The following IL1RL2 variants were observed in gnomAD, a reference collection of about 807,000 sequenced individuals.
IL1RL2 encodes interleukin-1 receptor-like 2.
In IL1RL2, 68 loss-of-function variants were observed where a neutral mutation model predicts 66.8. The ratio of observed to expected loss-of-function variants is 1.02; its 90% CI spans 0.84 to 1.25. The LOEUF is 1.25. Ranked by LOEUF, IL1RL2 falls within the 50% of genes most tolerant of loss-of-function variation. The probability of loss-of-function intolerance (pLI) is 0.00; values close to 1 mark genes in which losing one functional copy is unlikely to be tolerated. For synonymous variants in IL1RL2, 305 were observed against 264.6 expected (o/e 1.15, Z -1.48); for missense variants, 729 against 709.3 (o/e 1.03, Z -0.32).
At chr2:102,223,165 T>C (rs1363582939) in intron 8 of IL1RL2, among the ~76,000 whole-genome samples, 2 of 152,120 alleles carry the variant, frequency 1.3e-5, no homozygotes, top group Non-Finnish European at 2.9e-5. Flanking sequence ...AAATGTAGAG[T>C]ATTTTGGTTC....
chr2:102,208,155 T>A (rs1314230365), intron 5 of IL1RL2, among the ~76,000 whole-genome samples: 1 of 152,226 alleles, frequency 6.6e-6, no homozygotes, highest in Non-Finnish European at 1.5e-5. Context: ...TTCTATCTCA[T>A]TGGTGTCCTT....
chr2:102,191,210 C>T (rs1411066774), intron 3 of IL1RL2, among the ~76,000 whole-genome samples: 1 of 152,110 alleles, frequency 6.6e-6, no homozygotes, highest in Admixed American at 6.5e-5. Flanking sequence ...TCATCATACC[C>T]TCTTAGCCCT....
At chr2:102,205,216 A>G (rs979655592) in intron 5 of IL1RL2, among the ~76,000 whole-genome samples, 1 of 152,090 alleles carries the variant, frequency 6.6e-6, no homozygotes, top group Non-Finnish European at 1.5e-5. Context: ...TACTCACTAC[A>G]CCTTGAAAAG....
intron 9 of IL1RL2, among the ~76,000 whole-genome samples, chr2:102,227,616 T>C (rs1690742134): frequency 6.6e-6 from 1 of 152,092 alleles, no homozygotes. Flanking sequence ...GGCCGCCCCG[T>C]CTAAGCACAC....
chr2:102,226,016 C>T lies in IL1RL2; in HGVS notation c.1110C>T (p.Ala370=), dbSNP rs1214922734. The change falls in exon 9 of 12, where the codon GCC becomes GCT. Residue 370 remains alanine (A), a synonymous_variant. Coordinates refer to ENST00000264257, the MANE Select transcript of IL1RL2 (RefSeq NM_003854.4). ...ACATTGTTCTTTGGTATCGAAGTGC[C>T]TTCCATTCTACAGAGACCATAGTAG... ...KIDIVLWYRS[A]FHSTETIVDG... 1.2e-6 allele frequency: 2 copies of T among 1,601,596 alleles called. No homozygotes were observed.
chr2:102,204,054 T>C (rs1688493878), intron 5 of IL1RL2, among the ~76,000 whole-genome samples: 1 of 152,184 alleles, frequency 6.6e-6, no homozygotes, highest in Admixed American at 6.5e-5. Flanking sequence ...CTGCTTTTGC[T>C]GTATCCCATA....
chr2:102,225,257 AGGCTAG>A (rs1690499524), intron 8 of IL1RL2, among the ~76,000 whole-genome samples: 1 of 152,340 alleles, frequency 6.6e-6, no homozygotes, highest in East Asian at 1.9e-4. Flanking sequence ...CTCATGAAAC[AGGCTAG>A]GGTGTAAACA....
intron 3 of IL1RL2, 131 bp downstream of exon 3, chr2:102,189,441 C>T: frequency 1.6e-6 from 1 of 630,892 alleles, no homozygotes; most frequent in South Asian, 2.2e-5. Flanking sequence ...TGCTACAAGA[C>T]AATTTCCAGT....
downstream of IL1RL2, among the ~76,000 whole-genome samples, chr2:102,240,951 G>T (rs867838345): frequency 6.6e-6 from 1 of 152,262 alleles, no homozygotes; most frequent in South Asian, 2.1e-4. Flanking sequence ...ACAAGGTCAC[G>T]CCTGAGCTCG....
chr2:102,236,666 C>T (rs970638455), intron 11 of IL1RL2, among the ~76,000 whole-genome samples: 8 of 152,160 alleles, frequency 5.3e-5, no homozygotes, highest in African/African-American at 1.9e-4. Context: ...CCATCACCAC[C>T]ATCCATTCCA....
intron 8 of IL1RL2, among the ~76,000 whole-genome samples, chr2:102,224,209 A>G (rs1413743626): frequency 2.0e-5 from 3 of 152,222 alleles, no homozygotes; most frequent in African/African-American, 7.2e-5. Flanking sequence ...CAGCAATCCT[A>G]CTGCTGGTTA....
intron 6 of IL1RL2, among the ~76,000 whole-genome samples, chr2:102,218,123 A>G (rs1689769261): frequency 1.3e-5 from 2 of 152,152 alleles, no homozygotes. Context: ...ACAACAAATA[A>G]TTTGATTAAA....
At chr2:102,213,562 CTTAA>C (rs1195788204) in intron 6 of IL1RL2, among the ~76,000 whole-genome samples, 1 of 152,122 alleles carries the variant, frequency 6.6e-6, no homozygotes, top group East Asian at 1.9e-4. Context: ...CAAAAAATCT[CTTAA>C]TTATTTGCAT....
At chr2:102,189,380 C>T (rs1288866686) in intron 3 of IL1RL2, 70 bp downstream of exon 3, 2 of 933,544 alleles carry the variant, frequency 2.1e-6, no homozygotes, top group Non-Finnish European at 1.6e-6. Context: ...AAATTCTTAA[C>T]GAACATAGAA....
Position 102,187,909 on chromosome 2 carries a change from A to T in IL1RL2, c.42A>T (p.Pro14=), listed in dbSNP as rs369453667. 7.5e-5 allele frequency: 121 copies of T among 1,611,798 alleles called. No homozygotes were observed. The highest frequency in any genetic ancestry group is 8.3e-5 in the Non-Finnish European group (98 of 1,179,440). ...LLLCGLSIAL[P]LSVTADGCKD... ...TCTGCGGGTTGTCCATCGCCCTTCC[A>T]CTGTCTGTCACAGCAGGTACGTTCC... The change falls in exon 2 of 12, where the codon CCA becomes CCT. Residue 14 remains proline (P), a synonymous_variant. Coordinates refer to ENST00000264257, the MANE Select transcript of IL1RL2 (RefSeq NM_003854.4).
At chr2:102,216,444 CT>C (rs1422928592) in intron 6 of IL1RL2, among the ~76,000 whole-genome samples, 11 of 152,086 alleles carry the variant, frequency 7.2e-5, no homozygotes, top group African/African-American at 2.7e-4. Flanking sequence ...TGTATCCTTA[CT>C]GGACCTACTG....
At chr2:102,194,985 A>T (rs1687543682) in intron 4 of IL1RL2, among the ~76,000 whole-genome samples, 1 of 152,126 alleles carries the variant, frequency 6.6e-6, no homozygotes, top group South Asian at 2.1e-4. Flanking sequence ...TCACCCACTC[A>T]ACTCTGTTTT....
chr2:102,189,804 C>A (rs183974641), intron 3 of IL1RL2, among the ~76,000 whole-genome samples: 54 of 152,288 alleles, frequency 3.5e-4, no homozygotes, highest in African/African-American at 1.2e-3. Context: ...AGGCGCAAGC[C>A]ACCATGCTTG....
chr2:102,237,331 TCAAGTGGC>T (rs1559569872), intron 11 of IL1RL2, among the ~76,000 whole-genome samples: 4 of 152,186 alleles, frequency 2.6e-5, no homozygotes, highest in Admixed American at 6.5e-5. Context: ...CCGGGGTTAG[TCAAGTGGC>T]CAGAGGTGGT....
Sources: allele counts gnomAD v4.1 joint callset (sites outside exome capture counted in the v4.1 genomes callset), GRCh38; gene constraint gnomAD v4.1.1; transcripts MANE v1.5; gene names NCBI Gene and HGNC (gene_info 2026-07-23, HGNC 2026-07-21).